CDKAL1: variants seen among roughly 807,000 people sequenced by gnomAD.
The protein encoded by CDKAL1 is CDKAL1 threonylcarbamoyladenosine tRNA methylthiotransferase.
Under a neutral mutation model 68.2 loss-of-function variants are expected in CDKAL1, and 32 were observed. The ratio of observed to expected loss-of-function variants is 0.47; its 90% confidence interval spans 0.35 to 0.63. The LOEUF (loss-of-function observed/expected upper bound fraction) is 0.63. Ranked by LOEUF, CDKAL1 falls within the 30% of genes least tolerant of loss-of-function variation. CDKAL1 has a pLI of 0.00. For synonymous variants in CDKAL1, 234 were observed against 244.3 expected (o/e 0.96, Z 0.39); for missense variants, 606 against 696.7 (o/e 0.87, Z 1.47).
chr6:20,949,404 C>T (rs1247271088), intron 9 of CDKAL1, among the ~76,000 whole-genome samples: 1 of 152,182 alleles, frequency 6.6e-6, no homozygotes, highest in African/African-American at 2.4e-5. Context: ...CACTTTTGTG[C>T]ACAATCTCTG....
At chr6:20,647,480 A>G (rs1025190563) in intron 4 of CDKAL1, among the ~76,000 whole-genome samples, 1 of 151,788 alleles carries the variant, frequency 6.6e-6, no homozygotes, top group Admixed American at 6.6e-5. Flanking sequence ...TGTGCCCATC[A>G]CTCTGTTGGG....
At chr6:20,603,768 A>AGTTTTTTTTTTTTTTT (rs1766208919) in intron 4 of CDKAL1, among the ~76,000 whole-genome samples, 1 of 85,192 alleles carries the variant, frequency 1.2e-5, no homozygotes, top group African/African-American at 4.7e-5. Context: ...CAGTTGCTAA[A>AGTTTTTTTTTTTTTTT]TTTTTTTTTT....
Position 20,781,229 on chromosome 6 carries a change from A to G in CDKAL1, c.602A>G (p.Lys201Arg), listed in dbSNP as rs182169029. The G allele has an allele frequency of 2.4e-5, 39 of 1,613,664 alleles. No homozygotes were observed. The East Asian group carries it at 7.8e-4, about 32-fold the overall frequency. ...GARLDLPKIR[K>R]NPLIEIISIN... Reference sequence around the variant, plus strand: ...CGATTGGATTTGCCGAAGATTAGGAAGAATCCACTGATAGAAATCATTTCC... The same window carrying G: ...CGATTGGATTTGCCGAAGATTAGGAGGAATCCACTGATAGAAATCATTTCC... Residue 201 changes from lysine to arginine, a missense_variant, in exon 8 of 16, where the codon AAG (lysine) becomes AGG (arginine). By Grantham distance (26) the Lys-to-Arg change is conservative (BLOSUM62 2). Transcript: ENST00000274695.
At chr6:21,082,686 T>C (rs975495876) in intron 12 of CDKAL1, among the ~76,000 whole-genome samples, 7 of 152,134 alleles carry the variant, frequency 4.6e-5, no homozygotes, top group African/African-American at 1.7e-4. Flanking sequence ...TTGTCTTTTA[T>C]AGAAAAGTTG....
intron 11 of CDKAL1, among the ~76,000 whole-genome samples, chr6:21,023,347 G>A (rs60208555): frequency 0.034 from 5,128 of 152,168 alleles, 282 homozygotes; most frequent in African/African-American, 0.12. Flanking sequence ...CTGAAGGTCT[G>A]AACTTGAGAA....
intron 9 of CDKAL1, among the ~76,000 whole-genome samples, chr6:20,848,767 G>A (rs961124607): frequency 1.3e-5 from 2 of 151,268 alleles, no homozygotes; most frequent in African/African-American, 4.9e-5. Context: ...TTCAGGAAAT[G>A]TGGTTGTTTT....
At chr6:20,703,467 A>G (rs1405640636) in intron 5 of CDKAL1, among the ~76,000 whole-genome samples, 4 of 151,966 alleles carry the variant, frequency 2.6e-5, no homozygotes, top group Non-Finnish European at 4.4e-5. Flanking sequence ...AAAAAACCCA[A>G]CTCTTTTATG....
At position 21,201,192 on chromosome 6, in the gene CDKAL1, G is replaced by C. The variant is rs761832421; in HGVS notation, c.1466G>C (p.Gly489Ala). Residue 489 changes from glycine (G) to alanine (A), a missense_variant, in exon 15 of 16, where the codon GGG becomes GCG. Coordinates refer to ENST00000274695, the MANE Select transcript of CDKAL1 (RefSeq NM_017774.3). Reference sequence around the variant, plus strand: ...GAATCAGGCAAACATTTTATGAAAGGGCAGCCAGTATCTGATGCCAAAGTG... The same window carrying C: ...GAATCAGGCAAACATTTTATGAAAGCGCAGCCAGTATCTGATGCCAAAGTG... ...IYESGKHFMK[G>A]QPVSDAKVYT... 12 of 1,613,920 alleles carry C rather than the reference G, an allele frequency of 7.4e-6. No homozygotes were observed. Among genetic ancestry groups the C allele is most frequent in the Non-Finnish European group, 1.0e-5 (12 of 1,179,842 alleles).
intron 9 of CDKAL1, among the ~76,000 whole-genome samples, chr6:20,932,401 T>A (rs980460749): frequency 4.9e-4 from 74 of 152,168 alleles, no homozygotes; most frequent in African/African-American, 1.7e-3. Context: ...CATTTGAAGT[T>A]GTAACATACT....
chr6:20,867,800 C>T (rs1759986827), intron 9 of CDKAL1, among the ~76,000 whole-genome samples: 1 of 152,120 alleles, frequency 6.6e-6, no homozygotes. Flanking sequence ...GAATAATTTC[C>T]CCTATCCCTA....
intron 4 of CDKAL1, among the ~76,000 whole-genome samples, chr6:20,584,520 T>G (rs542611579): frequency 6.6e-6 from 1 of 152,264 alleles, no homozygotes; most frequent in East Asian, 1.9e-4. Context: ...GGAAGGAAGG[T>G]GGGATGTGGT....
intron 5 of CDKAL1, among the ~76,000 whole-genome samples, chr6:20,688,741 A>G (rs1770742387): frequency 6.6e-6 from 1 of 152,200 alleles, no homozygotes; most frequent in East Asian, 1.9e-4. Flanking sequence ...ATTCTGCCAT[A>G]TCTGAGTCTG....
chr6:21,168,285 A>C (rs1777232168), intron 13 of CDKAL1, among the ~76,000 whole-genome samples: 3 of 152,202 alleles, frequency 2.0e-5, no homozygotes, highest in Non-Finnish European at 2.9e-5. Flanking sequence ...GATAACATCC[A>C]GGTGCTCCAT....
intron 6 of CDKAL1, chr6:20,756,103 A>T (rs1045887309): frequency 3.3e-5 from 5 of 152,036 alleles, no homozygotes; most frequent in African/African-American, 1.2e-4. Flanking sequence ...TTCTCTATTC[A>T]TGTTTTAGAT....
At chr6:20,858,350 A>G (rs898572144) in intron 9 of CDKAL1, among the ~76,000 whole-genome samples, 3 of 151,940 alleles carry the variant, frequency 2.0e-5, no homozygotes, top group Non-Finnish European at 4.4e-5. Context: ...TTATGTATCA[A>G]TATTTTGGTA....
intron 4 of CDKAL1, among the ~76,000 whole-genome samples, chr6:20,579,318 A>G (rs1765045995): frequency 1.3e-5 from 2 of 152,178 alleles, no homozygotes; most frequent in Admixed American, 6.5e-5. Flanking sequence ...CAAAATATAC[A>G]TGAATGAAAG....
chr6:20,753,482 G>T (rs894046830), intron 6 of CDKAL1, among the ~76,000 whole-genome samples: 3 of 152,138 alleles, frequency 2.0e-5, no homozygotes, highest in African/African-American at 7.2e-5. Flanking sequence ...ACAGTAGCAG[G>T]CTGTACAGGT....
chr6:20,844,727 A>G (rs993423606), intron 8 of CDKAL1, among the ~76,000 whole-genome samples: 2 of 151,972 alleles, frequency 1.3e-5, no homozygotes, highest in Non-Finnish European at 2.9e-5. Flanking sequence ...CAAAAAAAAG[A>G]AAATATCGAC....
At chr6:21,129,796 A>G (rs1385828344) in intron 13 of CDKAL1, among the ~76,000 whole-genome samples, 2 of 151,872 alleles carry the variant, frequency 1.3e-5, no homozygotes, top group African/African-American at 2.4e-5. Context: ...TTGATGGTAG[A>G]TAGCTTTTTA....
Sources: gnomAD v4.1 joint callset for allele counts (sites outside exome capture counted in the v4.1 genomes callset) on GRCh38, gnomAD v4.1.1 for gene constraint, MANE v1.5 for transcripts, NCBI Gene and HGNC (gene_info 2026-07-23, HGNC 2026-07-21) for gene names.